Variants in CATSPER4 observed in about 807,000 individuals in gnomAD.
The protein encoded by CATSPER4 is cation channel sperm-associated protein 4.
CATSPER4 carries 46 observed loss-of-function variants against 54.4 expected under a neutral mutation model. That is an observed-to-expected ratio of 0.84 (90% CI 0.67 to 1.08). The LOEUF is 1.08. Among genes scored for constraint, CATSPER4 ranks in the 50% least tolerant of loss-of-function variants. The probability of loss-of-function intolerance (pLI) is 0.00; values close to 1 mark genes in which losing one functional copy is unlikely to be tolerated. For synonymous variants in CATSPER4, 230 were observed against 231.9 expected (o/e 0.99, Z 0.08); for missense variants, 574 against 612.8 (o/e 0.94, Z 0.67).
In CATSPER4 at chr1:26,200,995, C is replaced by G. The variant is rs772335039; in HGVS notation, c.1153C>G (p.Gln385Glu). 6.2e-7 allele frequency: 1 copy of G among 1,614,062 alleles called. No individual in the cohort carries two copies. Among genetic ancestry groups the G allele is most frequent in the South Asian group, 1.1e-5 (1 of 91,094 alleles). The change falls in exon 8 of 10, where the codon CAG becomes GAG. Residue 385 changes from glutamine to glutamate, a missense_variant. Physicochemically the swap from Gln to Glu is conservative, Grantham distance 29. Transcript: ENST00000456354. ...DNFCLVLEAI[Q>E]ENLRQYKEIR... ...CTTTTGCTTGGTGCTTGAGGCAATA[C>G]AGGAGAACCTGAGGCAGTACAAGGA...
At position 26,202,814 on chromosome 1, in the gene CATSPER4, G is replaced by T. The variant is rs1485196980; in HGVS notation, c.*272G>T. 3.0e-5 allele frequency: 16 copies of T among 531,406 alleles called. No individual in the cohort carries two copies. Among genetic ancestry groups the T allele is most frequent in the African/African-American group, 2.3e-4 (12 of 52,524 alleles). 32.9% of individuals were successfully genotyped at this position (531,406 alleles called of 1,614,324 possible). On this transcript the variant is annotated 3_prime_UTR_variant, in exon 10 of 10. Transcript: ENST00000456354. ...ACAGAAGGGGGTGCTGGCCAACGCA[G>T]CCAGGATTTGACCTAAGGATGGGGA...
chr1:26,201,523 T>A lies in CATSPER4; in HGVS notation c.1365+4T>A, dbSNP rs1272679560. 1 of 1,613,964 alleles carries A rather than the reference T, an allele frequency of 6.2e-7. No individual in the cohort carries two copies. Among genetic ancestry groups the A allele is most frequent in the Admixed American group, 1.7e-5 (1 of 60,028 alleles). On this transcript the variant is annotated splice_donor_region_variant and intron_variant, in intron 9 of 9. Transcript: ENST00000456354. ...TGCGCTCGTTAGCATGGAAAAGGTG[T>A]GCCTTCCTTCTCCTACCCAATGGGT... is the stretch of plus-strand genomic sequence containing the variant.
chr1:26,192,878 G>T (rs2088887798), intron 2 of CATSPER4, among the ~76,000 whole-genome samples: 1 of 151,910 alleles, frequency 6.6e-6, no homozygotes, highest in Non-Finnish European at 1.5e-5. Context: ...GTCAAGACAG[G>T]CAGATCACTT....
chr1:26,200,961 G>T lies in CATSPER4; in HGVS notation c.1119G>T (p.Thr373=). 6.2e-7 allele frequency: 1 copy of T among 1,614,106 alleles called. No individual in the cohort carries two copies. Among genetic ancestry groups the T allele is most frequent in the Non-Finnish European group, 8.5e-7 (1 of 1,180,014 alleles). ...GGPLSNLSEN[T]CDNFCLVLEA... ...CCCTGTCGAACCTCTCAGAAAACACGTGTGACAACTTTTGCTTGGTGCTTG... is the reference window on the plus strand; with the variant it reads ...CCCTGTCGAACCTCTCAGAAAACACTTGTGACAACTTTTGCTTGGTGCTTG... Residue 373 remains threonine, a synonymous_variant, in exon 8 of 10, where the codon ACG becomes ACT. Transcript: ENST00000456354.
intron 9 of CATSPER4, 171 bp downstream of exon 9, chr1:26,201,690 C>CT (rs57008544): frequency 0.089 from 34,021 of 383,248 alleles, 198 homozygotes; most frequent in East Asian, 0.12. Flanking sequence ...TCTTTCTTTC[C>CT]TTTTTTTTTT....
chr1:26,195,187 C>T lies in CATSPER4; in HGVS notation c.459+1299C>T, dbSNP rs146511717. On this transcript the variant is annotated intron_variant, in intron 3 of 9. Transcript: ENST00000456354. The stretch of plus-strand genomic sequence containing the variant: ...CTTGCTTCTCTTTTGTCCCCTCATC[C>T]CTCTTCTCCCACCACTATCCTTTCT... Among the ~76,000 whole-genome samples the T allele has an allele frequency of 2.0e-5, 3 of 152,314 alleles. No homozygotes were observed. In the East Asian group the frequency reaches 5.8e-4, roughly 29 times the overall value.
intron 1 of CATSPER4, 51 bp from the exon 2 acceptor site, chr1:26,191,236 G>A: frequency 6.2e-7 from 1 of 1,609,914 alleles, no homozygotes; most frequent in Non-Finnish European, 8.5e-7. Flanking sequence ...CCCCCAGGCA[G>A]AGGCTTCCTA....
chr1:26,197,925 C>T (rs370882924), intron 4 of CATSPER4, 32 bp from the exon 5 acceptor site: 8 of 1,611,812 alleles, frequency 5.0e-6, no homozygotes, highest in African/African-American at 4.0e-5. Flanking sequence ...CTGGGAAGGG[C>T]CTAGGGGCAC....
At chr1:26,197,876 T>C (rs1022550792) in intron 4 of CATSPER4, 81 bp from the exon 5 acceptor site, 4 of 1,590,492 alleles carry the variant, frequency 2.5e-6, no homozygotes, top group Non-Finnish European at 3.4e-6. Context: ...CAGCTTTGCC[T>C]CTCTGGGCAG....
Position 26,200,867 on chromosome 1 carries a change from C to A in CATSPER4, c.1025C>A (p.Pro342Gln). 1 of 1,614,120 alleles carries A rather than the reference C, an allele frequency of 6.2e-7. No homozygotes were observed. The highest frequency in any genetic ancestry group is 8.5e-7 in the Non-Finnish European group (1 of 1,179,994). The change falls in exon 8 of 10, where the codon CCA (proline) becomes CAA (glutamine). Residue 342 changes from proline (P) to glutamine (Q), a missense_variant. Transcript: ENST00000456354. ...AEEEEENDQL[P>Q]LVHCVVARSE... Reference sequence around the variant, plus strand: ...GAAGAGGAGGAGAATGACCAGCTGCCACTGGTGCATTGTGTGGTCGCCCGC... The same window carrying A: ...GAAGAGGAGGAGAATGACCAGCTGCAACTGGTGCATTGTGTGGTCGCCCGC...
intron 2 of CATSPER4, among the ~76,000 whole-genome samples, chr1:26,192,775 G>C (rs2088886570): frequency 6.6e-6 from 1 of 151,826 alleles, no homozygotes; most frequent in Admixed American, 6.6e-5. Context: ...ATGTCCTATT[G>C]TCTCCAGTGG....
chr1:26,197,880 T>C (rs1301864192), intron 4 of CATSPER4, 77 bp from the exon 5 acceptor site: 59 of 1,572,778 alleles, frequency 3.8e-5, no homozygotes, highest in Non-Finnish European at 5.0e-5. Flanking sequence ...TTTGCCTCTC[T>C]GGGCAGCTGG....
chr1:26,192,252 C>T (rs1032546519), intron 2 of CATSPER4, among the ~76,000 whole-genome samples: 1 of 151,744 alleles, frequency 6.6e-6, no homozygotes, highest in Non-Finnish European at 1.5e-5. Context: ...CTCAGCCTCC[C>T]AAGTAGCTAG....
intron 9 of CATSPER4, 187 bp downstream of exon 9, chr1:26,201,706 T>TTTG: frequency 1.8e-6 from 1 of 560,112 alleles, no homozygotes; most frequent in Non-Finnish European, 3.1e-6. Flanking sequence ...TTTTTTTTTT[T>TTTG]TGAGACGGAG....
At position 26,190,667 on chromosome 1, in the gene CATSPER4, T is replaced by G. The variant is rs1335669953; in HGVS notation, c.40T>G (p.Ser14Ala). The stretch of plus-strand genomic sequence containing the variant: ...AAAGGCCTGGTGGCAGCAATGGACC[T>G]CCCATACAGGCCTCGAGGGGTGGGG... ...NEKAWWQQWT[S>A]HTGLEGWGGT... Residue 14 changes from serine to alanine, a missense_variant, in exon 1 of 10, where the codon TCC (serine) becomes GCC (alanine). Ser to Ala is a moderately conservative substitution (Grantham distance 99, BLOSUM62 1). Coordinates refer to ENST00000456354, the MANE Select transcript of CATSPER4 (RefSeq NM_198137.2). 1 of 1,608,532 alleles carries G rather than the reference T, an allele frequency of 6.2e-7. No homozygotes were observed. Among genetic ancestry groups the G allele is most frequent in the South Asian group, 1.1e-5 (1 of 90,876 alleles).
At position 26,193,824 on chromosome 1, in the gene CATSPER4, T is replaced by C; in HGVS notation, c.395T>C (p.Val132Ala). ...YELFSTIDDI[V>A]LTILLCEVLL... ...TTGTTCTCTACCATAGATGACATTG[T>C]GCTGACCATCCTTCTTTGTGAGGTT... is the stretch of plus-strand genomic sequence containing the variant. The change falls in exon 3 of 10, where the codon GTG becomes GCG. Residue 132 changes from valine to alanine, a missense_variant. Transcript: ENST00000456354. 6.2e-7 allele frequency: 1 copy of C among 1,614,124 alleles called. No homozygotes were observed. Among genetic ancestry groups the C allele is most frequent in the East Asian group, 2.2e-5 (1 of 44,890 alleles).
At chr1:26,194,104 C>T (rs2088906354) in intron 3 of CATSPER4, among the ~76,000 whole-genome samples, 1 of 152,210 alleles carries the variant, frequency 6.6e-6, no homozygotes. Flanking sequence ...CTCCAGCCTT[C>T]CCCAGCTCTG....
chr1:26,201,600 T>TG (rs2089009194), intron 9 of CATSPER4, 81 bp downstream of exon 9: 1 of 1,421,164 alleles, frequency 7.0e-7, no homozygotes, highest in African/African-American at 1.4e-5. Context: ...CTGGACCATT[T>TG]GTCAAAGTTT....
At chr1:26,193,030 A>G (rs2088890168) in intron 2 of CATSPER4, among the ~76,000 whole-genome samples, 1 of 151,740 alleles carries the variant, frequency 6.6e-6, no homozygotes. Flanking sequence ...TGAACCCAGG[A>G]GGCGGAGTTT....
Sources: allele counts gnomAD v4.1 joint callset (sites outside exome capture counted in the v4.1 genomes callset), GRCh38; gene constraint gnomAD v4.1.1; transcripts MANE v1.5; gene names NCBI Gene and HGNC (gene_info 2026-07-23, HGNC 2026-07-21).